Variants in STRAP observed in about 807,000 individuals in gnomAD.
STRAP encodes serine/threonine kinase receptor associated protein.
Under a neutral mutation model 47.0 loss-of-function variants are expected in STRAP, and 16 were observed. That is an observed-to-expected ratio of 0.34 (90% confidence interval 0.23 to 0.52). The LOEUF is 0.52. Ranked by LOEUF, STRAP falls within the 20% of genes least tolerant of loss-of-function variation. The pLI is 0.96. For synonymous variants in STRAP, 130 were observed against 142.7 expected, an observed-to-expected ratio of 0.91 and a Z score of 0.63; for missense variants, 293 against 420.0, an observed-to-expected ratio of 0.70 and a Z score of 2.64.
chr12:15,885,180 G>GTTTTTTTTTTTTTTTTT (rs749702060), intron 2 of STRAP, among the ~76,000 whole-genome samples: 1 of 99,572 alleles, frequency 1.0e-5, no homozygotes, highest in African/African-American at 4.3e-5. Flanking sequence ...TACAAGTGGT[G>GTTTTTTTTTTTTTTTTT]TTTTTTTTTT....
At chr12:15,889,314 A>G (rs1448247940) in intron 2 of STRAP, among the ~76,000 whole-genome samples, 1 of 152,156 alleles carries the variant, frequency 6.6e-6, no homozygotes, top group Non-Finnish European at 1.5e-5. Flanking sequence ...TTAGCATTAT[A>G]TAATCAAAGG....
chr12:15,888,169 G>A (rs1000125332), intron 2 of STRAP, among the ~76,000 whole-genome samples: 6 of 152,188 alleles, frequency 3.9e-5, no homozygotes, highest in Admixed American at 6.5e-5. Context: ...TCAAAGAAAA[G>A]ATAGCATTTG....
chr12:15,892,920 T>C (rs531266025), intron 4 of STRAP, among the ~76,000 whole-genome samples: 38 of 152,352 alleles, frequency 2.5e-4, no homozygotes, highest in African/African-American at 8.9e-4. Flanking sequence ...AAGTTGCTCT[T>C]TCGCTGTGCT....
In STRAP at chr12:15,902,913, A is replaced by C. The variant is rs756067143; in HGVS notation, c.992-4A>C. 3 of 1,256,616 alleles carry C rather than the reference A, an allele frequency of 2.4e-6. No homozygotes were observed. The highest frequency in any genetic ancestry group is 3.6e-5 in the Admixed American group (1 of 27,872). 77.8% of individuals were successfully genotyped at this position (1,256,616 alleles called of 1,614,324 possible). A position where few individuals can be genotyped will look rare whatever the true frequency, so the allele number is the denominator to read the frequency against. ...TTTTTTTTTTTTTTTTTTTTTACTT[A>C]TAGAAGAAATTGCTTCAGAGAATTC... is the stretch of plus-strand genomic sequence containing the variant. On this transcript the variant is annotated splice_polypyrimidine_tract_variant and splice_region_variant and intron_variant, in intron 9 of 9. Transcript: ENST00000419869.
chr12:15,897,892 A>T lies in STRAP; in HGVS notation c.649A>T (p.Ile217Phe), dbSNP rs1472055918. Residue 217 changes from isoleucine (I) to phenylalanine (F), a missense_variant, in exon 7 of 10, where the codon ATT becomes TTT. Physicochemically the swap from Ile to Phe is conservative, Grantham distance 21 (BLOSUM62 0). This residue lies in a region of STRAP where 152 missense variants were observed against 183.0 expected (regional missense o/e 0.83). Coordinates refer to ENST00000419869, the MANE Select transcript of STRAP (RefSeq NM_007178.4). Reference sequence around the variant, plus strand: ...TAAATTTTTTTTCAGTTTGGACCCAATTAAATCCTTTGAAGCTCCTGCAAC... The same window carrying T: ...TAAATTTTTTTTCAGTTTGGACCCATTTAAATCCTTTGAAGCTCCTGCAAC... ...AFHSAVSLDP[I>F]KSFEAPATIN... 5.2e-6 allele frequency: 8 copies of T among 1,546,326 alleles called. No homozygotes were observed. The highest frequency in any genetic ancestry group is 6.9e-6 in the Non-Finnish European group (8 of 1,153,698).
chr12:15,892,423 C>CAT (rs1480652555), intron 4 of STRAP, among the ~76,000 whole-genome samples: 1 of 151,890 alleles, frequency 6.6e-6, no homozygotes, highest in African/African-American at 2.4e-5. Context: ...TTTCCCTCAC[C>CAT]ATATATATAC....
At position 15,882,690 on chromosome 12, in the gene STRAP, G is replaced by A. The variant is rs756421502; in HGVS notation, c.-18G>A. On this transcript the variant is annotated 5_prime_UTR_variant, in exon 1 of 10. Coordinates refer to ENST00000419869, the MANE Select transcript of STRAP (RefSeq NM_007178.4). ...CGACCCTCAGCTCGCCAGTCCGGTC[G>A]CTGGCTTCGCCGCCGCCATGGCAAT... 8 of 1,597,646 alleles carry A rather than the reference G, an allele frequency of 5.0e-6. No individual in the cohort carries two copies. In the East Asian group the frequency reaches 1.8e-4, roughly 36 times the overall value.
rs1565578670 is a variant in STRAP, at chr12:15,903,152, A to C, written c.*174A>C. Reference sequence around the variant, plus strand: ...CTAACTTGGTGTTACCTGTAAGTGAAAACTCAAGTGTCAGATGAAGGGAGG... The same window carrying C: ...CTAACTTGGTGTTACCTGTAAGTGACAACTCAAGTGTCAGATGAAGGGAGG... On this transcript the variant is annotated 3_prime_UTR_variant, in exon 10 of 10. Transcript: ENST00000419869. 1.0e-5 allele frequency: 6 copies of C among 585,316 alleles called. No individual in the cohort carries two copies. Among genetic ancestry groups the C allele is most frequent in the Non-Finnish European group, 1.6e-5 (6 of 376,354 alleles). 36.3% of individuals were successfully genotyped at this position (585,316 alleles called of 1,614,324 possible).
intron 8 of STRAP, among the ~76,000 whole-genome samples, chr12:15,900,333 C>G (rs1464077256): frequency 6.6e-6 from 1 of 151,730 alleles, no homozygotes; most frequent in Non-Finnish European, 1.5e-5. Flanking sequence ...AGTTCGAGAC[C>G]AGCCTGGCCA....
rs1206852737 is a variant in STRAP, at chr12:15,903,276, C to T, written c.*298C>T. ...ATTATTACAATTAGGGTTCTTGTAG[C>T]TGTTTATGTTAATATGGAGAAGAAA... is the stretch of plus-strand genomic sequence containing the variant. On this transcript the variant is annotated 3_prime_UTR_variant, in exon 10 of 10. Coordinates refer to ENST00000419869, the MANE Select transcript of STRAP (RefSeq NM_007178.4). 8.6e-6 allele frequency: 2 copies of T among 233,470 alleles called. No individual in the cohort carries two copies. Among genetic ancestry groups the T allele is most frequent in the Non-Finnish European group, 1.6e-5 (2 of 122,732 alleles). 14.5% of individuals were successfully genotyped at this position (233,470 alleles called of 1,614,324 possible).
chr12:15,902,556 A>C (rs923330853), intron 9 of STRAP, among the ~76,000 whole-genome samples: 2 of 152,218 alleles, frequency 1.3e-5, no homozygotes, highest in Non-Finnish European at 2.9e-5. Context: ...AATAGCACTA[A>C]ATATTAGGAT....
At chr12:15,889,819 C>G (rs1167477541) in intron 2 of STRAP, 109 bp from the exon 3 acceptor site, 1 of 745,650 alleles carries the variant, frequency 1.3e-6, no homozygotes, top group Non-Finnish European at 2.2e-6. Flanking sequence ...ATTTATGTAA[C>G]ATTTCACATA....
At chr12:15,897,205 G>C (rs1948066362) in intron 6 of STRAP, among the ~76,000 whole-genome samples, 1 of 152,168 alleles carries the variant, frequency 6.6e-6, no homozygotes, top group Non-Finnish European at 1.5e-5. Context: ...TAGGAGCTGG[G>C]ATACTATAAT....
At chr12:15,898,052 T>G (rs1948074427) in intron 7 of STRAP, 34 bp downstream of exon 7, 4 of 1,571,358 alleles carry the variant, frequency 2.5e-6, no homozygotes, top group Admixed American at 1.9e-5. Context: ...GTGGTTACCT[T>G]TATCATATGT....
At chr12:15,886,542 A>C (rs1947974084) in intron 2 of STRAP, among the ~76,000 whole-genome samples, 1 of 152,178 alleles carries the variant, frequency 6.6e-6, no homozygotes, top group African/African-American at 2.4e-5. Flanking sequence ...TATATCCCTG[A>C]AGTCCAATAT....
chr12:15,883,030 T>C (rs547344188), intron 1 of STRAP: 2 of 1,527,878 alleles, frequency 1.3e-6, no homozygotes, highest in East Asian at 4.9e-5. Flanking sequence ...TAGAAACTAT[T>C]ACCTCCAACT....
At chr12:15,883,961 C>T (rs1190667871) in intron 2 of STRAP, among the ~76,000 whole-genome samples, 1 of 152,194 alleles carries the variant, frequency 6.6e-6, no homozygotes, top group Non-Finnish European at 1.5e-5. Context: ...GAATGTTGAT[C>T]TCCTTTACGA....
At position 15,882,722 on chromosome 12, in the gene STRAP, G is replaced by A. The variant is rs749455484; in HGVS notation, c.15G>A (p.Gln5=). Residue 5 remains glutamine (Q), a synonymous_variant, in exon 1 of 10, where the codon CAG becomes CAA. Transcript: ENST00000419869. MAMR[Q]TPLTCSGHTR... ...TCGCCGCCGCCATGGCAATGAGACA[G>A]ACGCCGCTCACCTGCTCTGGCCACA... The A allele has an allele frequency of 6.2e-6, 10 of 1,611,130 alleles. No individual in the cohort carries two copies. In the East Asian group the frequency reaches 2.0e-4, roughly 32 times the overall value.
At chr12:15,901,880 A>AAG (rs1948106221) in intron 9 of STRAP, among the ~76,000 whole-genome samples, 3 of 137,364 alleles carry the variant, frequency 2.2e-5, no homozygotes, top group African/African-American at 7.7e-5. Flanking sequence ...AAAAAAAAAA[A>AAG]GGTTGCCTTG....
Sources: allele counts gnomAD v4.1 joint callset (sites outside exome capture counted in the v4.1 genomes callset), GRCh38; gene constraint gnomAD v4.1.1; regional missense constraint gnomAD v4.1.1; transcripts MANE v1.5; gene names NCBI Gene and HGNC (gene_info 2026-07-23, HGNC 2026-07-21).